Variants in PPM1H observed in about 807,000 individuals in gnomAD.
The protein encoded by PPM1H is protein phosphatase, Mg2+/Mn2+ dependent 1H.
Under a neutral mutation model 54.9 loss-of-function variants are expected in PPM1H, and 27 were observed. The observed-to-expected ratio is 0.49, with a 90% confidence interval of 0.36 to 0.68. The LOEUF (loss-of-function observed/expected upper bound fraction) is 0.68. Ranked by LOEUF, PPM1H falls within the 30% of genes least tolerant of loss-of-function variation. The pLI is 0.00. For missense variants in PPM1H, 596 were observed against 667.8 expected (o/e 0.89, Z 1.19); for synonymous variants, 305 against 270.8 (o/e 1.13, Z -1.24).
intron 2 of PPM1H, among the ~76,000 whole-genome samples, chr12:62,803,946 CA>C (rs1352637006): frequency 6.6e-6 from 1 of 152,146 alleles, no homozygotes; most frequent in Non-Finnish European, 1.5e-5. Flanking sequence ...AAATGGCCAG[CA>C]GGCTTGTGAA....
At chr12:62,823,801 G>A (rs1265263372) in intron 2 of PPM1H, among the ~76,000 whole-genome samples, 2 of 152,150 alleles carry the variant, frequency 1.3e-5, no homozygotes. Flanking sequence ...CATACTGAAT[G>A]GGCAAAAACT....
chr12:62,810,399 C>T (rs1006451951), intron 2 of PPM1H, among the ~76,000 whole-genome samples: 2 of 152,148 alleles, frequency 1.3e-5, no homozygotes, highest in African/African-American at 2.4e-5. Context: ...AGAGACATTG[C>T]CATCTCTGGC....
intron 9 of PPM1H, among the ~76,000 whole-genome samples, chr12:62,654,949 G>A (rs1167457167): frequency 1.3e-5 from 2 of 152,102 alleles, no homozygotes; most frequent in Non-Finnish European, 2.9e-5. Flanking sequence ...TCCTTCACAC[G>A]GCTTCTCTCC....
At chr12:62,694,653 T>C (rs2136642397) in intron 6 of PPM1H, among the ~76,000 whole-genome samples, 1 of 152,300 alleles carries the variant, frequency 6.6e-6, no homozygotes, top group East Asian at 1.9e-4. Context: ...ATGAAGACCA[T>C]GTCTTGCAAT....
At chr12:62,751,914 A>G (rs2076444417) in intron 4 of PPM1H, among the ~76,000 whole-genome samples, 1 of 152,206 alleles carries the variant, frequency 6.6e-6, no homozygotes, top group African/African-American at 2.4e-5. Context: ...TATGGGCTAG[A>G]TGCTGCACAC....
chr12:62,909,511 T>A (rs58557068), intron 1 of PPM1H, among the ~76,000 whole-genome samples: 160 of 152,302 alleles, frequency 1.1e-3, no homozygotes, highest in African/African-American at 3.5e-3. Context: ...ATCCCAATCT[T>A]GGTGTCCTTG....
At chr12:62,663,593 G>C (rs2075898456) in intron 9 of PPM1H, among the ~76,000 whole-genome samples, 1 of 152,158 alleles carries the variant, frequency 6.6e-6, no homozygotes, top group Admixed American at 6.5e-5. Flanking sequence ...GAGTAGAACT[G>C]CTGGGCTCCA....
Position 62,720,260 on chromosome 12 carries a change from A to G in PPM1H, c.984T>C (p.Asn328=). The G allele has an allele frequency of 6.2e-7, 1 of 1,613,662 alleles. No individual in the cohort carries two copies. Among genetic ancestry groups the G allele is most frequent in the Non-Finnish European group, 8.5e-7 (1 of 1,179,592 alleles). The change falls in exon 6 of 10, where the codon AAT becomes AAC. Residue 328 remains asparagine (N), a synonymous_variant. Coordinates refer to ENST00000228705, the MANE Select transcript of PPM1H (RefSeq NM_020700.2). ...TTGGAAACTCCAAATGTGTGAACTCATTTCCCAGCAAGTGAGGCTGCATGA... is the reference window on the plus strand; with the variant it reads ...TTGGAAACTCCAAATGTGTGAACTCGTTTCCCAGCAAGTGAGGCTGCATGA... The part of the protein sequence containing the change: ...LAFMQPHLLG[N]EFTHLEFPRR...
intron 1 of PPM1H, among the ~76,000 whole-genome samples, chr12:62,854,932 C>T (rs1337303777): frequency 2.6e-5 from 4 of 151,996 alleles, no homozygotes; most frequent in Admixed American, 2.0e-4. Flanking sequence ...TTCCTATGAC[C>T]CTGACCCTCA....
chr12:62,832,907 A>T (rs1868394633), intron 1 of PPM1H, among the ~76,000 whole-genome samples: 1 of 152,102 alleles, frequency 6.6e-6, no homozygotes, highest in Admixed American at 6.5e-5. Context: ...AGGCACTCTG[A>T]TTTGGACACC....
intron 1 of PPM1H, among the ~76,000 whole-genome samples, chr12:62,867,002 TG>T (rs1869798862): frequency 6.6e-6 from 1 of 151,976 alleles, no homozygotes; most frequent in African/African-American, 2.4e-5. Context: ...ATTCCACAAA[TG>T]TTTATTCAAG....
intron 9 of PPM1H, among the ~76,000 whole-genome samples, chr12:62,656,777 G>A (rs565030414): frequency 6.6e-6 from 1 of 152,252 alleles, no homozygotes; most frequent in South Asian, 2.1e-4. Context: ...GCAGGCCTCA[G>A]AAATTTAAGA....
intron 4 of PPM1H, chr12:62,755,984 C>A (rs2076472255): frequency 6.3e-6 from 8 of 1,279,834 alleles, no homozygotes; most frequent in African/African-American, 1.5e-5. Context: ...GGAAAAACTG[C>A]CAAATATGAT....
intron 1 of PPM1H, among the ~76,000 whole-genome samples, chr12:62,884,643 G>C (rs202097581): frequency 1.3e-5 from 2 of 152,236 alleles, no homozygotes; most frequent in East Asian, 3.9e-4. Context: ...CAGTGGAAAA[G>C]CTGGTTCTGA....
chr12:62,675,983 T>C (rs2075983244), intron 8 of PPM1H, among the ~76,000 whole-genome samples: 1 of 152,192 alleles, frequency 6.6e-6, no homozygotes, highest in African/African-American at 2.4e-5. Flanking sequence ...GAATGAGGTA[T>C]ATCATATCCT....
intron 5 of PPM1H, chr12:62,720,992 C>G (rs1376122039): frequency 6.6e-6 from 1 of 152,468 alleles, no homozygotes; most frequent in Admixed American, 6.5e-5. Flanking sequence ...ACTAACTTCT[C>G]TACTCAGAGG....
At chr12:62,807,338 A>G (rs74098858) in intron 2 of PPM1H, among the ~76,000 whole-genome samples, 1 of 152,254 alleles carries the variant, frequency 6.6e-6, no homozygotes, top group Non-Finnish European at 1.5e-5. Flanking sequence ...GGTGAAAGTC[A>G]TGATGCTAAG....
In PPM1H at chr12:62,687,182, C is replaced by T. The variant is rs562823059; in HGVS notation, c.1245+2517G>A. 4.2e-4 allele frequency among the ~76,000 whole-genome samples: 64 copies of T among 152,354 alleles called. 1 individual carries two copies. Among genetic ancestry groups the T allele is most frequent in the African/African-American group, 1.5e-3 (62 of 41,592 alleles). ...TTTCCGCTGTGGAGGCTTTGCAGGG[C>T]TGCCTTGATTTCAAAACCACTTTCC... is the stretch of plus-strand genomic sequence containing the variant. On this transcript the variant is annotated intron_variant, in intron 8 of 9. Coordinates refer to ENST00000228705, the MANE Select transcript of PPM1H (RefSeq NM_020700.2).
At chr12:62,774,073 A>T (rs903458265) in intron 4 of PPM1H, among the ~76,000 whole-genome samples, 3 of 152,224 alleles carry the variant, frequency 2.0e-5, no homozygotes, top group Admixed American at 2.0e-4. Flanking sequence ...TAGAGTAAAT[A>T]ATAGAGGCAG....
Sources: gnomAD v4.1 joint callset for allele counts (sites outside exome capture counted in the v4.1 genomes callset) on GRCh38, gnomAD v4.1.1 for gene constraint, MANE v1.5 for transcripts, NCBI Gene and HGNC (gene_info 2026-07-23, HGNC 2026-07-21) for gene names.